DNASE1L3: variants seen among roughly 807,000 people sequenced by gnomAD.
DNASE1L3 encodes deoxyribonuclease 1L3.
DNASE1L3 carries 27 observed loss-of-function variants against 30.9 expected under a neutral mutation model. That is an observed-to-expected ratio of 0.87 (90% CI 0.64 to 1.20). DNASE1L3 has a LOEUF of 1.20. Among genes scored for constraint, DNASE1L3 ranks in the 50% most tolerant of loss-of-function variants. The probability of loss-of-function intolerance (pLI) is 0.00; values close to 1 mark genes in which losing one functional copy is unlikely to be tolerated. For synonymous variants in DNASE1L3, 135 were observed against 138.0 expected (o/e 0.98, Z 0.15); for missense variants, 364 against 378.2 (o/e 0.96, Z 0.31).
chr3:58,206,726 G>C lies in DNASE1L3; in HGVS notation c.231-1166C>G, dbSNP rs533211043. ...TGTCCCCTCAGTCCCCCACAAACCTGTCCCCTCAGTCTCCCATAAACCTGA... is the reference window on the plus strand; with the variant it reads ...TGTCCCCTCAGTCCCCCACAAACCTCTCCCCTCAGTCTCCCATAAACCTGA... On this transcript the variant is annotated intron_variant, in intron 2 of 7. Transcript: ENST00000394549. Among the ~76,000 whole-genome samples, 25 of 152,242 alleles carry C rather than the reference G, an allele frequency of 1.6e-4. 1 individual carries two copies. The South Asian group carries it at 5.2e-3, about 32-fold the overall frequency.
At chr3:58,207,692 T>G (rs67622929) in intron 2 of DNASE1L3, 1 of 152,162 alleles carries the variant, frequency 6.6e-6, no homozygotes, top group African/African-American at 2.4e-5. Context: ...GATAGGGTCT[T>G]GCTCTGTGGC....
intron 1 of DNASE1L3, among the ~76,000 whole-genome samples, chr3:58,209,674 G>T (rs1397143339): frequency 6.6e-6 from 1 of 152,214 alleles, no homozygotes; most frequent in Non-Finnish European, 1.5e-5. Flanking sequence ...AGGCTCTGCT[G>T]GGTGCCTCAG....
At chr3:58,193,483 G>C (rs1222726914) in intron 6 of DNASE1L3, 44 bp from the exon 7 acceptor site, 1 of 1,529,440 alleles carries the variant, frequency 6.5e-7, no homozygotes, top group Non-Finnish European at 9.0e-7. Context: ...TCCAACCTGT[G>C]ATTGCTGAGA....
chr3:58,205,207 G>A (rs1371463218), intron 3 of DNASE1L3, among the ~76,000 whole-genome samples: 1 of 152,214 alleles, frequency 6.6e-6, no homozygotes, highest in East Asian at 1.9e-4. Context: ...CCAGCCCTGG[G>A]CCAGGACTTG....
chr3:58,197,774 A>G lies in DNASE1L3; in HGVS notation c.704+47T>C, dbSNP rs1483988530. ...AGCCACCTTGCGTCTTTCCTAGTGC[A>G]CACCAAGCACTGTGGTGAGCCAGCA... is the stretch of plus-strand genomic sequence containing the variant. On this transcript the variant is annotated intron_variant, in intron 6 of 7. Transcript: ENST00000394549. This position sits in a 1 kb window ranked among gnomAD's most constrained non-coding sequence, Gnocchi z 5.3. 1 of 1,611,482 alleles carries G rather than the reference A, an allele frequency of 6.2e-7. No homozygotes were observed. The highest frequency in any genetic ancestry group is 1.3e-5 in the African/African-American group (1 of 74,820).
At chr3:58,194,920 G>A (rs1179109626) in intron 6 of DNASE1L3, among the ~76,000 whole-genome samples, 1 of 152,014 alleles carries the variant, frequency 6.6e-6, no homozygotes, top group African/African-American at 2.4e-5. Flanking sequence ...GAGCCACCAC[G>A]CCCGGCCCGG....
chr3:58,210,588 C>T (rs2097407097), intron 1 of DNASE1L3, among the ~76,000 whole-genome samples, 178 bp downstream of exon 1: 1 of 152,208 alleles, frequency 6.6e-6, no homozygotes, highest in Non-Finnish European at 1.5e-5. Context: ...CCATTGTTAT[C>T]ACCCCTGTTT....
At position 58,210,773 on chromosome 3, in the gene DNASE1L3, A is replaced by G. The variant is rs756731627; in HGVS notation, c.134T>C (p.Ile45Thr). The change falls in exon 1 of 8, where the codon ATT becomes ACT. Residue 45 changes from isoleucine (I) to threonine (T), a missense_variant. Transcript: ENST00000394549. Reference protein sequence around the residue: ...KQEDKNAMDVIVKVIKRCDII... With the variant: ...KQEDKNAMDVTVKVIKRCDII... The stretch of plus-strand genomic sequence containing the variant: ...CCCAGGAAAGGGGCTCACCTTCACA[A>G]TGACATCCATGGCATTCTTGTCTTC... The G allele has an allele frequency of 1.2e-6, 2 of 1,614,152 alleles. No individual in the cohort carries two copies. Among genetic ancestry groups the G allele is most frequent in the Admixed American group, 1.7e-5 (1 of 60,022 alleles).
rs1486898543 is a variant in DNASE1L3 at position 58,200,777 on chromosome 3, T to A, written c.546+220A>T. On this transcript the variant is annotated intron_variant, in intron 5 of 7. Transcript: ENST00000394549. The surrounding 1 kb of genome is among the most constrained non-coding windows in gnomAD (Gnocchi z 4.2). ...AGTAAATGTTGGCATCTGTTATTAA[T>A]GGGAAAGTGTGGCAATTCCCAAGGC... is the stretch of plus-strand genomic sequence containing the variant. 6.6e-6 allele frequency among the ~76,000 whole-genome samples: 1 copy of A among 152,212 alleles called. No homozygotes were observed. The highest frequency in any genetic ancestry group is 1.9e-4 in the East Asian group (1 of 5,204).
chr3:58,205,611 C>A (rs757758457), intron 2 of DNASE1L3, 51 bp from the exon 3 acceptor site: 6 of 1,472,528 alleles, frequency 4.1e-6, no homozygotes, highest in Non-Finnish European at 5.7e-6. Flanking sequence ...CATTCCCCTA[C>A]TGTACATGTT....
intron 5 of DNASE1L3, among the ~76,000 whole-genome samples, chr3:58,199,356 G>A (rs1288235872): frequency 6.6e-6 from 1 of 152,182 alleles, no homozygotes; most frequent in Non-Finnish European, 1.5e-5. Context: ...AGGACTGGGA[G>A]GTTCAAATGG....
chr3:58,206,042 C>T (rs920019245), intron 2 of DNASE1L3, among the ~76,000 whole-genome samples: 1 of 152,216 alleles, frequency 6.6e-6, no homozygotes, highest in Non-Finnish European at 1.5e-5. Context: ...TTATGATAAG[C>T]AGGAATATTC....
Position 58,210,933 on chromosome 3 carries a change from CTG to C in DNASE1L3, c.-29_-28del, listed in dbSNP as rs755636336. ...CTGGCGCTGCTCTGGCTTCAAGACT[CTG>C]TGAGAAGACAGCAGTGCTTGGAGTG... On this transcript the variant is annotated 5_prime_UTR_variant, in exon 1 of 8. Transcript: ENST00000394549. The C allele has an allele frequency of 7.1e-5, 115 of 1,612,344 alleles. No homozygotes were observed. In the Middle Eastern group the frequency reaches 1.5e-3, roughly 22 times the overall value.
At chr3:58,193,852 C>G (rs940457801) in intron 6 of DNASE1L3, among the ~76,000 whole-genome samples, 37 of 152,146 alleles carry the variant, frequency 2.4e-4, no homozygotes, top group African/African-American at 8.7e-4. Context: ...CCCTCAGTCC[C>G]GTGTTGACAG....
chr3:58,193,280 T>C (rs574882035), intron 7 of DNASE1L3, 63 bp downstream of exon 7: 1 of 1,581,466 alleles, frequency 6.3e-7, no homozygotes, highest in Admixed American at 1.7e-5. Flanking sequence ...AGTCTCATCA[T>C]GTTGCCCAAG....
rs2107370703 is a variant in DNASE1L3 at position 58,197,801 on chromosome 3, C to A, written c.704+20G>T. On this transcript the variant is annotated intron_variant, in intron 6 of 7. Transcript: ENST00000394549. This position sits in a 1 kb window ranked among gnomAD's most constrained non-coding sequence, Gnocchi z 5.3. ...ACCAAGCACTGTGGTGAGCCAGCAG[C>A]ACCCTGCAGGGCCTCCTACCTGTCA... 1 of 1,613,064 alleles carries A rather than the reference C, an allele frequency of 6.2e-7. No individual in the cohort carries two copies. Among genetic ancestry groups the A allele is most frequent in the South Asian group, 1.1e-5 (1 of 91,022 alleles).
intron 6 of DNASE1L3, among the ~76,000 whole-genome samples, chr3:58,195,389 C>T (rs542654145): frequency 3.3e-5 from 5 of 152,158 alleles, no homozygotes; most frequent in Non-Finnish European, 7.4e-5. Flanking sequence ...CCTTGAACTC[C>T]TGGGCTCAAG....
chr3:58,201,170 G>A, intron 4 of DNASE1L3, 61 bp from the exon 5 acceptor site: 1 of 1,390,608 alleles, frequency 7.2e-7, no homozygotes, highest in South Asian at 1.3e-5. Context: ...CATAAACACT[G>A]CTGGAGGGAA....
At chr3:58,194,974 A>G (rs1485292768) in intron 6 of DNASE1L3, among the ~76,000 whole-genome samples, 1 of 152,186 alleles carries the variant, frequency 6.6e-6, no homozygotes, top group Non-Finnish European at 1.5e-5. Flanking sequence ...CTTCGCATCA[A>G]GTTAGACATT....
Sources: gnomAD v4.1 joint callset for allele counts (sites outside exome capture counted in the v4.1 genomes callset) on GRCh38, gnomAD v4.1.1 for gene constraint, Gnocchi (gnomAD v3.1) non-coding constraint, MANE v1.5 for transcripts, NCBI Gene and HGNC (gene_info 2026-07-23, HGNC 2026-07-21) for gene names.